The following SHROOM4 variants were observed in gnomAD, a reference collection of about 807,000 sequenced individuals.
The protein encoded by SHROOM4 is protein Shroom4.
SHROOM4 carries 17 observed loss-of-function variants against 80.3 expected under a neutral mutation model. The ratio of observed to expected loss-of-function variants is 0.21; its 90% CI spans 0.14 to 0.32. The LOEUF is 0.32. Ranked by LOEUF, SHROOM4 falls within the 10% of genes least tolerant of loss-of-function variation. SHROOM4 has a pLI of 1.00. For missense variants in SHROOM4, 993 were observed against 1,140.3 expected (o/e 0.87, Z 1.86); for synonymous variants, 400 against 437.5 (o/e 0.91, Z 1.07).
intron 1 of SHROOM4, among the ~76,000 whole-genome samples, chrX:50,739,319 A>C (rs782698763): frequency 8.9e-6 from 1 of 111,900 alleles, no homozygotes; most frequent in Admixed American, 9.5e-5. Context: ...ACAAAAGCTA[A>C]AATTGACAAA....
chrX:50,583,848 C>T (rs782363905), downstream of SHROOM4, among the ~76,000 whole-genome samples: 6 of 112,252 alleles, frequency 5.3e-5, no homozygotes, highest in African/African-American at 1.9e-4. Flanking sequence ...TTGACTGCAG[C>T]TTTGTGAAAC....
intron 5 of SHROOM4, among the ~76,000 whole-genome samples, chrX:50,611,505 A>C (rs1929992437): frequency 8.9e-6 from 1 of 112,133 alleles, no homozygotes. Context: ...ACGGGAAAAA[A>C]ATTCTTCCAC....
chrX:50,765,493 T>A (rs1935254882), intron 1 of SHROOM4, among the ~76,000 whole-genome samples: 1 of 111,818 alleles, frequency 8.9e-6, no homozygotes, highest in African/African-American at 3.3e-5. Context: ...CTCTAAAATA[T>A]CTCCTTAGTA....
At chrX:50,695,267 T>G (rs1933340753) in intron 2 of SHROOM4, among the ~76,000 whole-genome samples, 1 of 112,176 alleles carries the variant, frequency 8.9e-6, no homozygotes. Flanking sequence ...AACAATCCAT[T>G]TGATAATCAC....
At chrX:50,680,087 C>A (rs1351512914) in intron 2 of SHROOM4, among the ~76,000 whole-genome samples, 1 of 111,811 alleles carries the variant, frequency 8.9e-6, no homozygotes, top group Non-Finnish European at 1.9e-5. Flanking sequence ...GAATCAGTTT[C>A]TTCACTTGCA....
chrX:50,614,063 C>T (rs962301974), intron 5 of SHROOM4, among the ~76,000 whole-genome samples: 18 of 111,921 alleles, frequency 1.6e-4, no homozygotes, highest in African/African-American at 4.2e-4. Context: ...TCATTCAATA[C>T]GTAGTTTTAG....
downstream of SHROOM4, among the ~76,000 whole-genome samples, chrX:50,586,125 G>C (rs1011148257): frequency 5.4e-5 from 6 of 111,737 alleles, no homozygotes; most frequent in Admixed American, 9.5e-5. Context: ...CTAAACAGTA[G>C]CTGTTTAAGT....
At chrX:50,770,444 G>A (rs1022395265) in intron 1 of SHROOM4, among the ~76,000 whole-genome samples, 2 of 112,013 alleles carry the variant, frequency 1.8e-5, no homozygotes, top group South Asian at 7.5e-4. Flanking sequence ...CAAGGCAGCA[G>A]CATACATACA....
intron 1 of SHROOM4, among the ~76,000 whole-genome samples, chrX:50,701,639 TAATA>T (rs1375275972): frequency 3.6e-5 from 4 of 112,072 alleles, no homozygotes; most frequent in Non-Finnish European, 5.6e-5. Flanking sequence ...CAAGCTTTAT[TAATA>T]TTTAATATTG....
In SHROOM4 at chrX:50,781,873, TG is replaced by T. The variant is rs202010960; in HGVS notation, c.117+32028del. 3.3e-4 allele frequency among the ~76,000 whole-genome samples: 37 copies of T among 111,721 alleles called. No homozygotes were observed. The East Asian group carries it at 9.6e-3, about 29-fold the overall frequency. On this transcript the variant is annotated intron_variant, in intron 1 of 8. Transcript: ENST00000376020. ...CATCTCAGGGACAATAGCATCAAGCTGGAGATCTTCATATGAAAGGCTTAAA... is the reference window on the plus strand; with the variant it reads ...CATCTCAGGGACAATAGCATCAAGCTGAGATCTTCATATGAAAGGCTTAAA...
At chrX:50,636,194 C>T (rs959168686) in intron 3 of SHROOM4, among the ~76,000 whole-genome samples, 3 of 110,982 alleles carry the variant, frequency 2.7e-5, no homozygotes, top group South Asian at 3.9e-4. Flanking sequence ...CTTTAGGTCT[C>T]GGTGAATCCT....
At chrX:50,762,395 G>A (rs1212542970) in intron 1 of SHROOM4, among the ~76,000 whole-genome samples, 2 of 110,579 alleles carry the variant, frequency 1.8e-5, no homozygotes, top group African/African-American at 6.7e-5. Context: ...CTATTGTTTT[G>A]TGCTATTGTT....
At chrX:50,756,486 G>A (rs1416150424) in intron 1 of SHROOM4, among the ~76,000 whole-genome samples, 1 of 112,273 alleles carries the variant, frequency 8.9e-6, no homozygotes, top group Non-Finnish European at 1.9e-5. Flanking sequence ...GCAGACATAT[G>A]TTTTCATTTA....
intron 1 of SHROOM4, among the ~76,000 whole-genome samples, chrX:50,795,765 T>C (rs1198298327): frequency 1.8e-5 from 2 of 112,076 alleles, no homozygotes; most frequent in Non-Finnish European, 3.8e-5. Context: ...AGCTCTACCA[T>C]TTACTAACTG....
At chrX:50,759,995 A>G (rs1369558083) in intron 1 of SHROOM4, among the ~76,000 whole-genome samples, 2 of 111,123 alleles carry the variant, frequency 1.8e-5, no homozygotes. Flanking sequence ...TCTATCCTGG[A>G]GATTGTTCCA....
intron 1 of SHROOM4, among the ~76,000 whole-genome samples, chrX:50,752,410 T>C (rs1934942558): frequency 8.9e-6 from 1 of 111,907 alleles, no homozygotes; most frequent in Admixed American, 9.5e-5. Flanking sequence ...AGATGATTAA[T>C]TCCATTAGTC....
Position 50,712,073 on chromosome X carries a change from G to A in SHROOM4, c.118-16136C>T, listed in dbSNP as rs142049347. 2.1e-3 allele frequency among the ~76,000 whole-genome samples: 240 copies of A among 112,332 alleles called. 1 individual carries two copies. The highest frequency in any genetic ancestry group is 7.5e-3 in the African/African-American group (231 of 30,946). ...ACACTTCAATTGCTGACCACCTAAT[G>A]AGAGCTATATTGAGTAGGGAACTCT... On this transcript the variant is annotated intron_variant, in intron 1 of 8. Coordinates refer to ENST00000376020, the MANE Select transcript of SHROOM4 (RefSeq NM_020717.5).
intron 5 of SHROOM4, among the ~76,000 whole-genome samples, chrX:50,615,354 G>A (rs781995408): frequency 9.1e-5 from 10 of 109,736 alleles, no homozygotes; most frequent in Non-Finnish European, 1.7e-4. Flanking sequence ...TTCTCTTTCC[G>A]CCTCTTTATC....
intron 7 of SHROOM4, among the ~76,000 whole-genome samples, chrX:50,602,096 T>C (rs782466984): frequency 2.9e-4 from 32 of 109,207 alleles, no homozygotes; most frequent in East Asian, 1.7e-3. Flanking sequence ...TTTTCTTCTT[T>C]TTTTTTTTTT....
Sources: gnomAD v4.1 joint callset for allele counts (sites outside exome capture counted in the v4.1 genomes callset) on GRCh38, gnomAD v4.1.1 for gene constraint, MANE v1.5 for transcripts, NCBI Gene and HGNC (gene_info 2026-07-23, HGNC 2026-07-21) for gene names.